Variants in NXPE3 observed in about 807,000 individuals in gnomAD.
NXPE3 encodes neurexophilin and PC-esterase domain family member 3, also known as NXPE family member 3.
In NXPE3, 26 loss-of-function variants were observed where a neutral mutation model predicts 46.1. The observed-to-expected ratio is 0.56, with a 90% CI of 0.41 to 0.78. The LOEUF (loss-of-function observed/expected upper bound fraction) is 0.78. NXPE3 is among the 30% of genes least tolerant of loss of function. The pLI, the probability that NXPE3 is intolerant of heterozygous loss-of-function variation, is 0.00. For missense variants in NXPE3, 620 were observed against 686.0 expected (o/e 0.90, Z 1.07); for synonymous variants, 272 against 257.9 (o/e 1.05, Z -0.52).
In NXPE3 at chr3:101,825,541, G is replaced by A. The variant is rs1433202019; in HGVS notation, c.*3587G>A. The A allele has an allele frequency of 6.6e-6, 1 of 152,096 alleles. No homozygotes were observed. The highest frequency in any genetic ancestry group is 6.5e-5 in the Admixed American group (1 of 15,270). The allele number at this position is 152,096 out of a possible 1,614,324, so 9.4% of individuals were successfully genotyped here. A position where few individuals can be genotyped will look rare whatever the true frequency, so the allele number is the denominator to read the frequency against. On this transcript the variant is annotated 3_prime_UTR_variant, in exon 8 of 8. Transcript: ENST00000273347. ...AAATCCATAATTCTATCATCTGAAT[G>A]CAATGAACATTAGCATTTAGGTATA...
chr3:101,810,640 A>G (rs1560059588), intron 6 of NXPE3, among the ~76,000 whole-genome samples: 2 of 152,278 alleles, frequency 1.3e-5, no homozygotes, highest in Non-Finnish European at 2.9e-5. Context: ...GAAGGATTCC[A>G]TGTGAGGGAG....
intron 6 of NXPE3, among the ~76,000 whole-genome samples, chr3:101,810,354 T>C (rs1385084277): frequency 6.6e-6 from 1 of 152,224 alleles, no homozygotes; most frequent in Non-Finnish European, 1.5e-5. Context: ...ACAGTATAGA[T>C]AAGAACAATG....
chr3:101,807,557 C>T (rs969807768), intron 6 of NXPE3, among the ~76,000 whole-genome samples: 1 of 151,924 alleles, frequency 6.6e-6, no homozygotes, highest in African/African-American at 2.4e-5. Context: ...TTCTTGAGCT[C>T]AAGCAATCCT....
chr3:101,809,427 CCTT>C (rs1553803209), intron 6 of NXPE3, among the ~76,000 whole-genome samples: 1 of 151,988 alleles, frequency 6.6e-6, no homozygotes, highest in Non-Finnish European at 1.5e-5. Flanking sequence ...AATTTTTTTT[CCTT>C]CTTTTGCTTC....
At chr3:101,784,895 T>C (rs1576724064) in intron 3 of NXPE3, among the ~76,000 whole-genome samples, 1 of 152,128 alleles carries the variant, frequency 6.6e-6, no homozygotes. Context: ...GTGTGTCGCG[T>C]CTCCTGCCAT....
Position 101,785,708 on chromosome 3 carries a change from C to T in NXPE3, c.93+19C>T. 6.2e-7 allele frequency: 1 copy of T among 1,600,494 alleles called. No homozygotes were observed. The highest frequency in any genetic ancestry group is 1.1e-5 in the South Asian group (1 of 90,788). On this transcript the variant is annotated intron_variant, in intron 4 of 7. Coordinates refer to ENST00000273347, the MANE Select transcript of NXPE3 (RefSeq NM_145037.4). ...GGTAGAGGTGAGTACCCAGTATAATCCCTCATAACTAAGGGAGCCGAGTCT... is the reference window on the plus strand; with the variant it reads ...GGTAGAGGTGAGTACCCAGTATAATTCCTCATAACTAAGGGAGCCGAGTCT...
chr3:101,810,884 A>C (rs1377453713), intron 6 of NXPE3, among the ~76,000 whole-genome samples: 7 of 151,658 alleles, frequency 4.6e-5, no homozygotes, highest in Non-Finnish European at 8.8e-5. Flanking sequence ...GCTGGAGTGC[A>C]GTGGTGCGAT....
chr3:101,784,114 A>C (rs1576722755), intron 3 of NXPE3, among the ~76,000 whole-genome samples: 1 of 152,348 alleles, frequency 6.6e-6, no homozygotes, highest in East Asian at 1.9e-4. Flanking sequence ...TATTTGTTGC[A>C]TAGATTGTTG....
chr3:101,791,868 T>G (rs1339644601), intron 4 of NXPE3, among the ~76,000 whole-genome samples: 1 of 152,252 alleles, frequency 6.6e-6, no homozygotes, highest in South Asian at 2.1e-4. Flanking sequence ...ATTGCCATAA[T>G]GCTTTCCACA....
chr3:101,801,460 T>C lies in NXPE3; in HGVS notation c.319T>C (p.Tyr107His). Residue 107 changes from tyrosine to histidine, a missense_variant, in exon 5 of 8, where the codon TAC (tyrosine) becomes CAC (histidine). Physicochemically the swap from Tyr to His is moderately conservative, Grantham distance 83. Coordinates refer to ENST00000273347, the MANE Select transcript of NXPE3 (RefSeq NM_145037.4). ...GAAGAGCACTGACCCTTCTTCCAGC[T>C]ACTTTGTCATCTTGAACTCTGCTGC... The part of the protein sequence containing the change: ...FVKSTDPSSS[Y>H]FVILNSAAFF... 26 of 1,614,192 alleles carry C rather than the reference T, an allele frequency of 1.6e-5. No individual in the cohort carries two copies. Among genetic ancestry groups the C allele is most frequent in the Non-Finnish European group, 2.2e-5 (26 of 1,180,046 alleles).
At chr3:101,806,974 T>G in intron 5 of NXPE3, 79 bp from the exon 6 acceptor site, 1 of 955,070 alleles carries the variant, frequency 1.0e-6, no homozygotes, top group Non-Finnish European at 1.7e-6. Context: ...TTAGTCATTT[T>G]ATCATTTGCC....
intron 6 of NXPE3, among the ~76,000 whole-genome samples, chr3:101,810,896 C>T (rs908376949): frequency 9.2e-5 from 14 of 151,916 alleles, no homozygotes; most frequent in African/African-American, 3.4e-4. Flanking sequence ...TGGTGCGATC[C>T]TGGCTCACTG....
chr3:101,816,896 A>G lies in NXPE3; in HGVS notation c.1024A>G (p.Asn342Asp), dbSNP rs1234596445. 1 of 1,613,798 alleles carries G rather than the reference A, an allele frequency of 6.2e-7. No individual in the cohort carries two copies. The highest frequency in any genetic ancestry group is 1.3e-5 in the African/African-American group (1 of 74,934). The change falls in exon 7 of 8, where the codon AAT becomes GAT. Residue 342 changes from asparagine (N) to aspartate (D), a missense_variant. Physicochemically the swap from Asn to Asp is conservative, Grantham distance 23. Around this residue, in one of 3 missense-constraint regions of NXPE3, gnomAD observed 511 missense variants for 528.6 expected, o/e 0.97. Transcript: ENST00000273347. ...RPRKFKMRQFNDPDNITECLQ... is the reference protein window; with the variant it reads ...RPRKFKMRQFDDPDNITECLQ... ...CAGAAAGTTTAAGATGCGTCAGTTT[A>G]ATGACCCTGACAACATTACAGAGTG... is the stretch of plus-strand genomic sequence containing the variant.
At chr3:101,812,990 A>G (rs1168578679) in intron 6 of NXPE3, among the ~76,000 whole-genome samples, 2 of 152,114 alleles carry the variant, frequency 1.3e-5, no homozygotes, top group African/African-American at 2.4e-5. Context: ...TAAATTTCCA[A>G]GGTTTCATAG....
intron 4 of NXPE3, among the ~76,000 whole-genome samples, chr3:101,787,668 T>C (rs1391743685): frequency 6.6e-6 from 1 of 152,258 alleles, no homozygotes; most frequent in African/African-American, 2.4e-5. Flanking sequence ...GGTTCACTCA[T>C]GTAGCATGTA....
intron 5 of NXPE3, among the ~76,000 whole-genome samples, chr3:101,802,874 A>G (rs1014391147): frequency 1.3e-5 from 2 of 151,918 alleles, no homozygotes; most frequent in African/African-American, 4.9e-5. Flanking sequence ...TAAAAGCTAC[A>G]TGGTTAAAAA....
chr3:101,784,914 A>G (rs947088446), intron 3 of NXPE3, among the ~76,000 whole-genome samples: 2 of 152,106 alleles, frequency 1.3e-5, no homozygotes, highest in African/African-American at 4.8e-5. Context: ...ATACCTCTGT[A>G]TGAGAGGGGT....
At chr3:101,803,797 T>A (rs1941281411) in intron 5 of NXPE3, among the ~76,000 whole-genome samples, 1 of 152,184 alleles carries the variant, frequency 6.6e-6, no homozygotes, top group Admixed American at 6.5e-5. Flanking sequence ...TTTTTGTATG[T>A]TTTGTAGAAA....
chr3:101,782,930 G>A (rs1407613475), intron 3 of NXPE3, 150 bp downstream of exon 3: 1 of 152,200 alleles, frequency 6.6e-6, no homozygotes, highest in Non-Finnish European at 1.5e-5. Flanking sequence ...TTATTGGCGT[G>A]AGCCACCATG....
Sources: gnomAD v4.1 joint callset for allele counts (sites outside exome capture counted in the v4.1 genomes callset) on GRCh38, gnomAD v4.1.1 for gene constraint, gnomAD v4.1.1 regional missense constraint, MANE v1.5 for transcripts, NCBI Gene and HGNC (gene_info 2026-07-23, HGNC 2026-07-21) for gene names.